KAZN: variants seen among roughly 807,000 people sequenced by gnomAD.
The protein encoded by KAZN is kazrin, periplakin interacting protein.
In KAZN, 40 loss-of-function variants were observed where a neutral mutation model predicts 87.4. The ratio of observed to expected loss-of-function variants is 0.46; its 90% CI spans 0.36 to 0.60. The LOEUF (loss-of-function observed/expected upper bound fraction) is 0.60, where lower values mean the gene tolerates loss of function less well. Among genes scored for constraint, KAZN ranks in the 20% least tolerant of loss-of-function variants. The pLI, the probability that KAZN is intolerant of heterozygous loss-of-function variation, is 0.00. For synonymous variants in KAZN, 466 were observed against 458.3 expected (o/e 1.02, Z -0.22); for missense variants, 898 against 1,073.9 (o/e 0.84, Z 2.29).
At chr1:14,239,880 A>G (rs1303623510) in intron 2 of KAZN, among the ~76,000 whole-genome samples, 1 of 152,050 alleles carries the variant, frequency 6.6e-6, no homozygotes, top group Non-Finnish European at 1.5e-5. Flanking sequence ...CTGGCATTTA[A>G]TGGGTAGAGG....
intron 1 of KAZN, among the ~76,000 whole-genome samples, chr1:14,103,922 C>G (rs1644313656): frequency 6.6e-6 from 1 of 152,160 alleles, no homozygotes. Flanking sequence ...GATAATTTCT[C>G]TGTGTTAAAC....
At chr1:13,893,759 A>G (rs1291067641) in intron 1 of KAZN, 34 of 1,550,360 alleles carry the variant, frequency 2.2e-5, no homozygotes, top group Middle Eastern at 3.3e-4. Flanking sequence ...GCAAGCAGGT[A>G]GGAATTGCGT....
At chr1:15,072,925 C>T (rs1021097688) in intron 8 of KAZN, among the ~76,000 whole-genome samples, 2 of 152,142 alleles carry the variant, frequency 1.3e-5, no homozygotes, top group Non-Finnish European at 2.9e-5. Context: ...CTGAGTAGGC[C>T]AGCTTTTTAG....
chr1:14,849,937 C>CCG (rs1557552725), intron 1 of KAZN, among the ~76,000 whole-genome samples: 2 of 149,814 alleles, frequency 1.3e-5, no homozygotes, highest in African/African-American at 4.9e-5. Flanking sequence ...TTCTACCCCC[C>CCG]CTTTTTTTTT....
intron 1 of KAZN, among the ~76,000 whole-genome samples, chr1:14,824,564 C>T (rs1374659144): frequency 6.6e-6 from 1 of 152,200 alleles, no homozygotes; most frequent in Non-Finnish European, 1.5e-5. Flanking sequence ...ACGCTTGCAT[C>T]TTGACTGTCC....
intron 1 of KAZN, among the ~76,000 whole-genome samples, chr1:14,177,677 T>A (rs1026228026): frequency 1.3e-5 from 2 of 152,156 alleles, no homozygotes; most frequent in African/African-American, 4.8e-5. Flanking sequence ...TTTTCTATGA[T>A]CCTGTGTCTG....
intron 2 of KAZN, among the ~76,000 whole-genome samples, chr1:15,012,667 A>G (rs915168550): frequency 1.2e-4 from 18 of 152,216 alleles, no homozygotes; most frequent in African/African-American, 4.3e-4. Context: ...CACGCCTGTA[A>G]TCCCAGCACT....
At chr1:14,158,791 T>C (rs1645649045) in intron 1 of KAZN, among the ~76,000 whole-genome samples, 1 of 152,208 alleles carries the variant, frequency 6.6e-6, no homozygotes, top group Admixed American at 6.5e-5. Flanking sequence ...TTAGGTGTTA[T>C]GATCTAAGCT....
intron 1 of KAZN, among the ~76,000 whole-genome samples, chr1:14,705,366 T>C (rs193152380): frequency 2.0e-5 from 3 of 152,308 alleles, no homozygotes; most frequent in Admixed American, 6.5e-5. Context: ...TGGAGAACAG[T>C]ATGGAGGTTC....
chr1:14,691,139 G>A (rs1216736337), intron 1 of KAZN, among the ~76,000 whole-genome samples: 1 of 152,150 alleles, frequency 6.6e-6, no homozygotes, highest in Non-Finnish European at 1.5e-5. Flanking sequence ...ATTTTTTAAA[G>A]CTTTGGGGAT....
chr1:14,456,657 A>G (rs898459006), intron 2 of KAZN, among the ~76,000 whole-genome samples: 1 of 152,278 alleles, frequency 6.6e-6, no homozygotes. Context: ...ACTGTATTTC[A>G]CTTAAGCAGA....
chr1:15,066,424 A>G lies in KAZN; in HGVS notation c.1222+671A>G. On this transcript the variant is annotated intron_variant, in intron 8 of 14. Transcript: ENST00000376030. This position sits in a 1 kb window ranked among gnomAD's most constrained non-coding sequence, Gnocchi z 4.3. The stretch of plus-strand genomic sequence containing the variant: ...TTAACCACAAAACGCCATCGTCGTC[A>G]GGGTAAGCTCTGCTCTCTACAAAGA... 1 of 985,160 alleles carries G rather than the reference A, an allele frequency of 1.0e-6. No individual in the cohort carries two copies. Among genetic ancestry groups the G allele is most frequent in the South Asian group, 4.7e-5 (1 of 21,260 alleles). The allele number at this position is 985,160 out of a possible 1,614,324, so 61.0% of individuals were successfully genotyped here. A position where few individuals can be genotyped will look rare whatever the true frequency, so the allele number is the denominator to read the frequency against.
intron 1 of KAZN, among the ~76,000 whole-genome samples, chr1:14,724,912 C>T (rs12121855): frequency 0.28 from 42,826 of 152,178 alleles, 6,496 homozygotes; most frequent in Middle Eastern, 0.42. Context: ...AGTGCTACTG[C>T]GTGCACCTCC....
chr1:14,950,120 C>G (rs1233547283), intron 1 of KAZN, among the ~76,000 whole-genome samples: 4 of 152,128 alleles, frequency 2.6e-5, no homozygotes, highest in Admixed American at 2.6e-4. Flanking sequence ...AGCGGCTCTC[C>G]GGGCTGGGGA....
intron 2 of KAZN, among the ~76,000 whole-genome samples, chr1:15,013,097 C>A (rs1557715803): frequency 6.6e-6 from 1 of 152,150 alleles, no homozygotes; most frequent in Non-Finnish European, 1.5e-5. Context: ...CCCAGACACG[C>A]CAGGTTTCCA....
chr1:13,935,181 G>A (rs1557731037), intron 1 of KAZN, among the ~76,000 whole-genome samples: 1 of 151,762 alleles, frequency 6.6e-6, no homozygotes, highest in African/African-American at 2.4e-5. Context: ...AGGTTACAGT[G>A]AGCCGAGATG....
intron 2 of KAZN, among the ~76,000 whole-genome samples, chr1:14,345,353 A>G (rs1173101456): frequency 1.3e-5 from 2 of 151,174 alleles, no homozygotes; most frequent in African/African-American, 4.8e-5. Flanking sequence ...TCTGATTCAG[A>G]AGGTCAGAGA....
chr1:14,486,606 A>G (rs1372683571), intron 2 of KAZN, among the ~76,000 whole-genome samples: 1 of 152,220 alleles, frequency 6.6e-6, no homozygotes, highest in East Asian at 1.9e-4. Context: ...TAGCCTGTAC[A>G]TTTAAGATCC....
chr1:15,078,473 C>T (rs1206806856), intron 8 of KAZN, among the ~76,000 whole-genome samples: 2 of 152,136 alleles, frequency 1.3e-5, no homozygotes, highest in Non-Finnish European at 2.9e-5. Flanking sequence ...CACGACACTG[C>T]TTTCCAGGCA....
Sources: allele counts gnomAD v4.1 joint callset (sites outside exome capture counted in the v4.1 genomes callset), GRCh38; gene constraint gnomAD v4.1.1; non-coding constraint Gnocchi (gnomAD v3.1); transcripts MANE v1.5; gene names NCBI Gene and HGNC (gene_info 2026-07-23, HGNC 2026-07-21).